ZC3H3: variants seen among roughly 807,000 people sequenced by gnomAD.
ZC3H3 encodes the protein zinc finger CCCH domain-containing protein 3.
A neutral mutation model predicts 77.3 loss-of-function variants in ZC3H3; 36 were observed. The ratio of observed to expected loss-of-function variants is 0.47; its 90% confidence interval spans 0.36 to 0.61. The LOEUF is 0.61. Among genes scored for constraint, ZC3H3 ranks in the 20% least tolerant of loss-of-function variants. The pLI is 0.00. For synonymous variants in ZC3H3, 626 were observed against 555.2 expected (o/e 1.13, Z -1.79); for missense variants, 1,331 against 1,312.2 (o/e 1.01, Z -0.22).
At chr8:143,479,373 G>A (rs1002208077) in intron 4 of ZC3H3, among the ~76,000 whole-genome samples, 18 of 152,148 alleles carry the variant, frequency 1.2e-4, no homozygotes, top group Admixed American at 1.1e-3. Flanking sequence ...GAAGGGGGAT[G>A]AAATTAATGA....
chr8:143,518,297 G>A (rs1383083039), intron 3 of ZC3H3, among the ~76,000 whole-genome samples: 2 of 152,226 alleles, frequency 1.3e-5, no homozygotes, highest in East Asian at 3.8e-4. Flanking sequence ...GGCTGGGCCT[G>A]GCTGGATCCC....
At chr8:143,536,581 T>C in intron 2 of ZC3H3, 128 bp from the exon 3 acceptor site, 2 of 973,256 alleles carry the variant, frequency 2.1e-6, no homozygotes, top group Admixed American at 6.4e-5. Context: ...AGCGGGTCCT[T>C]TCTGGACCCT....
chr8:143,500,966 C>T (rs1821507975), intron 4 of ZC3H3, among the ~76,000 whole-genome samples: 1 of 146,978 alleles, frequency 6.8e-6, no homozygotes, highest in African/African-American at 2.5e-5. Context: ...GTGCCTGCTA[C>T]CATGCCCGAC....
intron 5 of ZC3H3, among the ~76,000 whole-genome samples, chr8:143,473,162 T>C (rs72691447): frequency 6.2e-4 from 94 of 152,280 alleles, no homozygotes; most frequent in Non-Finnish European, 1.2e-3. Flanking sequence ...TTTCTGAATG[T>C]GGGTGCAGTG....
At chr8:143,490,477 C>T (rs943974279) in intron 4 of ZC3H3, among the ~76,000 whole-genome samples, 9 of 152,364 alleles carry the variant, frequency 5.9e-5, no homozygotes, top group African/African-American at 2.2e-4. Context: ...CCTGCTGTCA[C>T]CCTCCTCCCC....
chr8:143,478,556 CT>C (rs1563850590), intron 4 of ZC3H3, among the ~76,000 whole-genome samples: 1 of 152,246 alleles, frequency 6.6e-6, no homozygotes, highest in African/African-American at 2.4e-5. Flanking sequence ...GTGACCCAGG[CT>C]AGAGTGCAAT....
chr8:143,500,818 A>AT (rs34018737), intron 4 of ZC3H3, among the ~76,000 whole-genome samples: 105,622 of 141,046 alleles, frequency 0.75, 39,823 homozygotes, highest in East Asian at 0.91. Context: ...CACAATGTCT[A>AT]TTTTTTTTTT....
chr8:143,492,593 G>A (rs183600091), intron 4 of ZC3H3, among the ~76,000 whole-genome samples: 512 of 152,316 alleles, frequency 3.4e-3, no homozygotes, highest in Middle Eastern at 6.8e-3. Context: ...GGAGGGGCCC[G>A]GGGAGGGCCT....
intron 8 of ZC3H3, among the ~76,000 whole-genome samples, chr8:143,467,524 G>T (rs1351867700): frequency 6.6e-6 from 1 of 152,210 alleles, no homozygotes. Flanking sequence ...AAAAGCTGTT[G>T]CGGCAGCAGC....
rs1206357710 is a variant in ZC3H3, at chr8:143,518,272, C to G, written c.1562-10373G>C. On this transcript the variant is annotated intron_variant, in intron 3 of 11. Transcript: ENST00000262577. The stretch of plus-strand genomic sequence containing the variant: ...CCGAGGCCCTTCCCTCCCAGCCCAC[C>G]CCTGACCTTCACATGGCTGGGCCTG... Among the ~76,000 whole-genome samples, 4 of 152,346 alleles carry G rather than the reference C, an allele frequency of 2.6e-5. 1 individual carries two copies. In the South Asian group the frequency reaches 8.3e-4, roughly 32 times the overall value.
chr8:143,538,467 G>C lies in ZC3H3; in HGVS notation c.900C>G (p.Thr300=), dbSNP rs752016160. Residue 300 remains threonine (T), a synonymous_variant, in exon 2 of 12, where the codon ACC becomes ACG. Coordinates refer to ENST00000262577, the MANE Select transcript of ZC3H3 (RefSeq NM_015117.3). ...TTTTCCGGAACTTGTTAGTTCGACA[G>C]GTCACAACCAGCGAGGCCTCCCGGG... The part of the protein sequence containing the change: ...RQAREASLVV[T]CRTNKFRKNN... 6.2e-7 allele frequency: 1 copy of C among 1,613,106 alleles called. No individual in the cohort carries two copies. Among genetic ancestry groups the C allele is most frequent in the Non-Finnish European group, 8.5e-7 (1 of 1,180,046 alleles).
chr8:143,509,224 G>A (rs1821800393), intron 3 of ZC3H3, among the ~76,000 whole-genome samples: 1 of 152,198 alleles, frequency 6.6e-6, no homozygotes, highest in African/African-American at 2.4e-5. Flanking sequence ...TCTGCCGATT[G>A]TATTTTCAAG....
chr8:143,521,903 T>G (rs1822253932), intron 3 of ZC3H3, among the ~76,000 whole-genome samples: 1 of 152,186 alleles, frequency 6.6e-6, no homozygotes, highest in African/African-American at 2.4e-5. Context: ...GGCTCCCATA[T>G]TGAAAGGAGA....
chr8:143,537,511 G>C (rs1392890087), intron 2 of ZC3H3, among the ~76,000 whole-genome samples: 2 of 152,230 alleles, frequency 1.3e-5, no homozygotes, highest in African/African-American at 4.8e-5. Context: ...ATGCAGGAAA[G>C]ACCAGGCACC....
At chr8:143,441,141 G>C (rs564898210) in intron 9 of ZC3H3, 21 bp from the exon 10 acceptor site, 1 of 1,390,650 alleles carries the variant, frequency 7.2e-7, no homozygotes, top group South Asian at 1.6e-5. Flanking sequence ...AAGGGGTGCA[G>C]GTGGGTGGGC....
At chr8:143,523,023 C>T (rs1822300362) in intron 3 of ZC3H3, among the ~76,000 whole-genome samples, 1 of 152,196 alleles carries the variant, frequency 6.6e-6, no homozygotes, top group South Asian at 2.1e-4. Flanking sequence ...AACCTGAGCC[C>T]CCTCATCCTG....
Position 143,440,292 on chromosome 8 carries a change from G to A in ZC3H3, c.2564C>T (p.Ala855Val), listed in dbSNP as rs1819705476. 2 of 1,567,934 alleles carry A rather than the reference G, an allele frequency of 1.3e-6. No homozygotes were observed. Among genetic ancestry groups the A allele is most frequent in the Non-Finnish European group, 1.7e-6 (2 of 1,154,528 alleles). Residue 855 changes from alanine (A) to valine (V), a missense_variant, in exon 11 of 12, where the codon GCT becomes GTT. Physicochemically the swap from Ala to Val is moderately conservative, Grantham distance 64. This residue lies in a region of ZC3H3 where 249 missense variants were observed against 236.9 expected (regional missense o/e 1.05). Transcript: ENST00000262577. ...SSAALTAAAVAAPPHCPGGSA... is the reference protein window; with the variant it reads ...SSAALTAAAVVAPPHCPGGSA... ...CCCCCCTGGGCAGTGGGGAGGTGCA[G>A]CCACGGCAGCCGCAGTGAGGGCAGC... is the stretch of plus-strand genomic sequence containing the variant.
intron 5 of ZC3H3, among the ~76,000 whole-genome samples, chr8:143,471,818 G>A (rs987723734): frequency 6.6e-6 from 1 of 152,246 alleles, no homozygotes; most frequent in Non-Finnish European, 1.5e-5. Flanking sequence ...GCTGACACCA[G>A]GGGAGGAAAT....
chr8:143,540,644 G>C lies in ZC3H3; in HGVS notation c.46+732C>G, dbSNP rs142226048. 4.5e-4 allele frequency among the ~76,000 whole-genome samples: 68 copies of C among 152,190 alleles called. 1 individual carries two copies. The highest frequency in any genetic ancestry group is 1.6e-3 in the African/African-American group (65 of 41,546). On this transcript the variant is annotated intron_variant, in intron 1 of 11. Transcript: ENST00000262577. Reference sequence around the variant, plus strand: ...ATGGCAAGGGGAGTGTGACTGTTCGGAGAAAAGGGGCATCAAAACCGGGCG... The same window carrying C: ...ATGGCAAGGGGAGTGTGACTGTTCGCAGAAAAGGGGCATCAAAACCGGGCG...
Sources: gnomAD v4.1 joint callset for allele counts (sites outside exome capture counted in the v4.1 genomes callset) on GRCh38, gnomAD v4.1.1 for gene constraint, gnomAD v4.1.1 regional missense constraint, MANE v1.5 for transcripts, NCBI Gene and HGNC (gene_info 2026-07-23, HGNC 2026-07-21) for gene names.